RYR2: variants seen among roughly 807,000 people sequenced by gnomAD.
The protein encoded by RYR2 is cardiac muscle ryanodine receptor-calcium release channel.
In RYR2, 227 loss-of-function variants were observed where a neutral mutation model predicts 601.1. That is an observed-to-expected ratio of 0.38 (90% CI 0.34 to 0.42). The LOEUF (loss-of-function observed/expected upper bound fraction) is 0.42. RYR2 is among the 10% of genes least tolerant of loss of function. RYR2 has a pLI of 1.00. For missense variants in RYR2, 4,646 were observed against 6,156.5 expected (o/e 0.75, Z 8.21); for synonymous variants, 2,223 against 2,175.1 (o/e 1.02, Z -0.61).
At chr1:237,679,382 A>G (rs1328713763) in intron 61 of RYR2, among the ~76,000 whole-genome samples, 1 of 152,154 alleles carries the variant, frequency 6.6e-6, no homozygotes, top group Non-Finnish European at 1.5e-5. Context: ...CAATGTCCCA[A>G]TTGTCAAGGA....
chr1:237,298,309 G>A (rs1302403168), intron 2 of RYR2, among the ~76,000 whole-genome samples: 1 of 152,034 alleles, frequency 6.6e-6, no homozygotes, highest in Non-Finnish European at 1.5e-5. Flanking sequence ...TTTCATGCAT[G>A]GACTCTAGTA....
rs117564471 is a variant in RYR2 at position 237,398,524 on chromosome 1, A to G, written c.773+10341A>G. ...AGAAATATGTTCAGCATTATGACCC[A>G]TTATAGAAATGCAAATTAAGACCAC... On this transcript the variant is annotated intron_variant, in intron 10 of 104. Transcript: ENST00000366574. 3.7e-3 allele frequency among the ~76,000 whole-genome samples: 565 copies of G among 152,342 alleles called. 18 individuals carry two copies. The highest frequency in any genetic ancestry group is 0.031 in the Admixed American group (474 of 15,302).
intron 2 of RYR2, among the ~76,000 whole-genome samples, chr1:237,277,474 A>G (rs1031494940): frequency 6.6e-6 from 1 of 152,212 alleles, no homozygotes; most frequent in Non-Finnish European, 1.5e-5. Context: ...TTATATACCT[A>G]AAATTCCCAA....
chr1:237,201,853 TC>T (rs1398362306), intron 1 of RYR2, among the ~76,000 whole-genome samples: 1 of 152,140 alleles, frequency 6.6e-6, no homozygotes, highest in Non-Finnish European at 1.5e-5. Context: ...TGACGTATAT[TC>T]AGGATTTGTT....
rs541310119 is a variant in RYR2, at chr1:237,575,424, A to G, written c.3598+6105A>G. Reference sequence around the variant, plus strand: ...TTTATATTAAAGCCATGATTTTTATATGGAGCATCCCTTTATGTACACATT... The same window carrying G: ...TTTATATTAAAGCCATGATTTTTATGTGGAGCATCCCTTTATGTACACATT... On this transcript the variant is annotated intron_variant, in intron 29 of 104. Transcript: ENST00000366574. Among the ~76,000 whole-genome samples the G allele has an allele frequency of 2.0e-5, 3 of 152,282 alleles. No homozygotes were observed. In the South Asian group the frequency reaches 6.2e-4, roughly 32 times the overall value.
At chr1:237,103,118 T>A (rs369337392) in intron 1 of RYR2, among the ~76,000 whole-genome samples, 11 of 152,270 alleles carry the variant, frequency 7.2e-5, no homozygotes, top group African/African-American at 2.6e-4. Context: ...ACTGTGGAGC[T>A]GGGATTATGG....
At position 237,742,350 on chromosome 1, in the gene RYR2, GT is replaced by G; in HGVS notation, c.11145+2del. 1 of 1,565,418 alleles carries G rather than the reference GT, an allele frequency of 6.4e-7. No individual in the cohort carries two copies. ...TGAAGAGGAAGTGAAGAGTTTTGAAGTAAGATGGATCTTTCTGGATTTGCCT... is the reference window on the plus strand; with the variant it reads ...TGAAGAGGAAGTGAAGAGTTTTGAAGAAGATGGATCTTTCTGGATTTGCCT... On this transcript the variant is annotated splice_donor_variant, in intron 80 of 104. Coordinates refer to ENST00000366574, the MANE Select transcript of RYR2 (RefSeq NM_001035.3). LOFTEE classifies it high-confidence loss of function.
intron 1 of RYR2, among the ~76,000 whole-genome samples, chr1:237,114,595 T>G (rs576915223): frequency 6.6e-6 from 1 of 152,338 alleles, no homozygotes; most frequent in African/African-American, 2.4e-5. Context: ...CAGGAAATCC[T>G]TTTAGAAATC....
chr1:237,208,734 ACT>A (rs998745997), intron 1 of RYR2, among the ~76,000 whole-genome samples: 6 of 151,326 alleles, frequency 4.0e-5, no homozygotes, highest in African/African-American at 1.5e-4. Context: ...CGTCAGTTCT[ACT>A]CTCTTAGCAA....
intron 1 of RYR2, among the ~76,000 whole-genome samples, chr1:237,111,301 T>G (rs971387412): frequency 4.6e-5 from 7 of 152,212 alleles, no homozygotes; most frequent in Non-Finnish European, 2.9e-5. Context: ...ATGATTATAA[T>G]TCATTCCTTT....
At chr1:237,798,226 A>G (rs1369423593) in intron 97 of RYR2, 56 bp downstream of exon 97, 1 of 1,513,702 alleles carries the variant, frequency 6.6e-7, no homozygotes, top group African/African-American at 1.4e-5. Context: ...GAAAACATTA[A>G]TACATTTTTA....
intron 2 of RYR2, among the ~76,000 whole-genome samples, chr1:237,313,259 T>C (rs1242150009): frequency 6.6e-6 from 1 of 151,506 alleles, no homozygotes; most frequent in African/African-American, 2.5e-5. Context: ...CTCAAAGATA[T>C]CCAGTTTCGA....
At chr1:237,648,753 G>A in intron 49 of RYR2, 140 bp downstream of exon 49, 1 of 1,025,658 alleles carries the variant, frequency 9.7e-7, no homozygotes, top group Non-Finnish European at 1.4e-6. Context: ...GTAAGCCATG[G>A]GTAAACAGAA....
At chr1:237,445,677 T>G (rs1708266761) in intron 14 of RYR2, among the ~76,000 whole-genome samples, 155 bp downstream of exon 14, 2 of 152,188 alleles carry the variant, frequency 1.3e-5, no homozygotes, top group Non-Finnish European at 2.9e-5. Context: ...AATGAGATGA[T>G]TTAATGTCTT....
At chr1:237,059,600 TGA>T (rs759606015) in intron 1 of RYR2, among the ~76,000 whole-genome samples, 1 of 152,174 alleles carries the variant, frequency 6.6e-6, no homozygotes, top group Non-Finnish European at 1.5e-5. Context: ...ACTGAAATAC[TGA>T]GAGTATAACA....
intron 83 of RYR2, among the ~76,000 whole-genome samples, chr1:237,760,113 G>T (rs1693296796): frequency 6.6e-6 from 1 of 151,252 alleles, no homozygotes; most frequent in Admixed American, 6.6e-5. Flanking sequence ...GGGAGGAAGA[G>T]ATAGGAGGAT....
At chr1:237,568,254 TA>T (rs1377741431) in intron 28 of RYR2, among the ~76,000 whole-genome samples, 1 of 152,154 alleles carries the variant, frequency 6.6e-6, no homozygotes, top group Non-Finnish European at 1.5e-5. Flanking sequence ...TAAACTTTTT[TA>T]AAAAGACAGT....
At chr1:237,682,220 T>C (rs1354206312) in intron 62 of RYR2, among the ~76,000 whole-genome samples, 1 of 152,160 alleles carries the variant, frequency 6.6e-6, no homozygotes, top group Non-Finnish European at 1.5e-5. Context: ...AAAAATTTCA[T>C]GGAACTATAC....
At chr1:237,276,378 G>A (rs112008171) in intron 2 of RYR2, among the ~76,000 whole-genome samples, 13 of 152,282 alleles carry the variant, frequency 8.5e-5, no homozygotes, top group Non-Finnish European at 1.8e-4. Context: ...GAGATTACAA[G>A]CGTGAGCCAC....
Sources: gnomAD v4.1 joint callset for allele counts (sites outside exome capture counted in the v4.1 genomes callset) on GRCh38, gnomAD v4.1.1 for gene constraint, MANE v1.5 for transcripts, NCBI Gene and HGNC (gene_info 2026-07-23, HGNC 2026-07-21) for gene names.